The following RYR1 variants were observed in gnomAD, a reference collection of about 807,000 sequenced individuals.
RYR1 encodes the protein ryanodine receptor 1, also known as central core disease of muscle.
Under a neutral mutation model 583.5 loss-of-function variants are expected in RYR1, and 342 were observed. That is an observed-to-expected ratio of 0.59 (90% confidence interval 0.54 to 0.64). The LOEUF (loss-of-function observed/expected upper bound fraction) is 0.64, where lower values mean the gene tolerates loss of function less well. Ranked by LOEUF, RYR1 falls within the 30% of genes least tolerant of loss-of-function variation. The pLI is 0.00. For synonymous variants in RYR1, 2,791 were observed against 2,822.5 expected (o/e 0.99, Z 0.35); for missense variants, 6,032 against 6,917.2 (o/e 0.87, Z 4.54).
chr19:38,502,647 C>A lies in RYR1; in HGVS notation c.7755C>A (p.Thr2585=). 1 of 1,612,590 alleles carries A rather than the reference C, an allele frequency of 6.2e-7. No individual in the cohort carries two copies. The highest frequency in any genetic ancestry group is 8.5e-7 in the Non-Finnish European group (1 of 1,179,830). The change falls in exon 48 of 106, where the codon ACC becomes ACA. Residue 2585 remains threonine (T), a synonymous_variant. Coordinates refer to ENST00000359596, the MANE Select transcript of RYR1 (RefSeq NM_000540.3). ...TCATGGTGGACTCTATGCTGCATAC[C>A]GTGTACCGCCTGTCTCGGGGTCGTT... is the stretch of plus-strand genomic sequence containing the variant. ...RAIMVDSMLH[T]VYRLSRGRSL... is the part of the protein sequence containing the mutation.
chr19:38,472,420 C>A (rs1968471323), intron 27 of RYR1, among the ~76,000 whole-genome samples: 1 of 152,004 alleles, frequency 6.6e-6, no homozygotes, highest in Admixed American at 6.6e-5. Flanking sequence ...GGAATTGTAA[C>A]TGAACACAGG....
At chr19:38,516,290 T>C in intron 65 of RYR1, 73 bp downstream of exon 65, 2 of 1,513,068 alleles carry the variant, frequency 1.3e-6, no homozygotes, top group Non-Finnish European at 1.8e-6. Context: ...GAGACCCTAA[T>C]TTGGGGGTAG....
rs78086435 is a variant in RYR1 at position 38,468,423 on chromosome 19, C to T, written c.3382-543C>T. Among the ~76,000 whole-genome samples the T allele has an allele frequency of 2.4e-3, 359 of 152,352 alleles. 10 individuals carry two copies. In the East Asian group the frequency reaches 0.039, roughly 17 times the overall value. ...CCATTTATACAACCATCCTTCCCTT[C>T]TTCCCTCTATCTGTCATCCATTTAT... is the stretch of plus-strand genomic sequence containing the variant. On this transcript the variant is annotated intron_variant, in intron 25 of 105. Transcript: ENST00000359596.
Position 38,457,592 on chromosome 19 carries a change from GCTT to G in RYR1, c.1890_1892del (p.Leu632del). The G allele has an allele frequency of 6.2e-7, 1 of 1,614,116 alleles. No homozygotes were observed. Among genetic ancestry groups the G allele is most frequent in the East Asian group, 2.2e-5 (1 of 44,884 alleles). On this transcript the variant is annotated inframe_deletion, in exon 17 of 106. Coordinates refer to ENST00000359596, the MANE Select transcript of RYR1 (RefSeq NM_000540.3). ...CTGAGAACTTGCTGCCTGGCCGTGA[GCTT>G]CTGCTGCAGACAAACCTCATCAACT... is the stretch of plus-strand genomic sequence containing the variant.
chr19:38,577,178 G>A (rs1250320628), intron 97 of RYR1, among the ~76,000 whole-genome samples: 2 of 151,982 alleles, frequency 1.3e-5, no homozygotes, highest in Non-Finnish European at 2.9e-5. Context: ...GAGCCACCGC[G>A]CCCAGCCGAT....
chr19:38,504,174 G>C, intron 49 of RYR1, 46 bp from the exon 50 acceptor site: 1 of 1,578,620 alleles, frequency 6.3e-7, no homozygotes, highest in Non-Finnish European at 8.6e-7. Flanking sequence ...CCTGCCATTC[G>C]CTGGTGCCCC....
intron 89 of RYR1, among the ~76,000 whole-genome samples, chr19:38,555,254 G>A (rs761676319): frequency 6.6e-6 from 1 of 151,950 alleles, no homozygotes; most frequent in Non-Finnish European, 1.5e-5. Flanking sequence ...TGTTTGAGAA[G>A]AGCCTGGGCA....
At chr19:38,546,645 C>A (rs1972436705) in intron 88 of RYR1, 119 bp downstream of exon 88, 1 of 825,676 alleles carries the variant, frequency 1.2e-6, no homozygotes, top group African/African-American at 1.7e-5. Flanking sequence ...TGTCAGGATC[C>A]ATGGGTTGAT....
In RYR1 at chr19:38,523,059, G is replaced by C. The variant is rs553113819; in HGVS notation, c.10291G>C (p.Ala3431Pro). Residue 3431 changes from alanine to proline, a missense_variant, in exon 68 of 106, where the codon GCG (alanine) becomes CCG (proline). Transcript: ENST00000359596. ...AQWLTEPNPS[A>P]EELFRMVGEI... ...GTGGCTGACGGAGCCGAATCCCAGC[G>C]CGGAGGAGCTGTTCAGGATGGTGGG... 1 of 1,609,808 alleles carries C rather than the reference G, an allele frequency of 6.2e-7. No individual in the cohort carries two copies. Among genetic ancestry groups the C allele is most frequent in the South Asian group, 1.1e-5 (1 of 90,796 alleles).
chr19:38,539,240 T>A (rs1972102522), intron 84 of RYR1, among the ~76,000 whole-genome samples: 1 of 109,592 alleles, frequency 9.1e-6, no homozygotes, highest in Non-Finnish European at 1.9e-5. Context: ...GATTTTTTCT[T>A]TTTTTTTTTT....
rs1221352993 is a variant in RYR1, at chr19:38,499,018, C to T, written c.6892-90C>T. ...TCAGAGCTGAACCGGACTGAGGAGCCGCAGGGCAGGGCAGGGCAGGGCAGA... is the reference window on the plus strand; with the variant it reads ...TCAGAGCTGAACCGGACTGAGGAGCTGCAGGGCAGGGCAGGGCAGGGCAGA... On this transcript the variant is annotated intron_variant, in intron 42 of 105. Coordinates refer to ENST00000359596, the MANE Select transcript of RYR1 (RefSeq NM_000540.3). The surrounding 1 kb of genome is among the most constrained non-coding windows in gnomAD (Gnocchi z 7.3). 77 of 1,549,306 alleles carry T rather than the reference C, an allele frequency of 5.0e-5. No homozygotes were observed. The highest frequency in any genetic ancestry group is 1.4e-4 in the East Asian group (6 of 43,712).
Position 38,577,032 on chromosome 19 carries a change from C to T in RYR1, c.14173-886C>T, listed in dbSNP as rs1409169374. Among the ~76,000 whole-genome samples, 7 of 152,066 alleles carry T rather than the reference C, an allele frequency of 4.6e-5. No homozygotes were observed. The East Asian group carries it at 1.4e-3, about 30-fold the overall frequency. On this transcript the variant is annotated intron_variant, in intron 97 of 105. Coordinates refer to ENST00000359596, the MANE Select transcript of RYR1 (RefSeq NM_000540.3). ...TCCCGAGTAGCTGGGATTACAGGCA[C>T]CCACCACCACGTCTGGCTAATTTTT... is the stretch of plus-strand genomic sequence containing the variant.
rs193922884 is a variant in RYR1, at chr19:38,580,503, C to T, written c.14645C>T (p.Thr4882Met). The change falls in exon 101 of 106, where the codon ACG becomes ATG. Residue 4882 changes from threonine (T) to methionine (M), a missense_variant and splice_region_variant. Thr to Met is a moderately conservative substitution (Grantham distance 81). Around this residue, in one of 11 missense-constraint regions of RYR1, gnomAD observed 189 missense variants for 350.3 expected, o/e 0.54. Coordinates refer to ENST00000359596, the MANE Select transcript of RYR1 (RefSeq NM_000540.3). ...GACATGAAGTGTGATGACATGATGA[C>T]GGTGAGCCCCTCCCCTAGCACTCTG... ...EPDMKCDDMM[T>M]CYLFHMYVGV... 1.1e-5 allele frequency: 17 copies of T among 1,613,896 alleles called. No individual in the cohort carries two copies. Among genetic ancestry groups the T allele is most frequent in the Admixed American group, 6.7e-5 (4 of 59,958 alleles).
chr19:38,507,824 C>G lies in RYR1; in HGVS notation c.8929C>G (p.Leu2977Val). The G allele has an allele frequency of 6.2e-7, 1 of 1,606,084 alleles. No homozygotes were observed. The change falls in exon 58 of 106, where the codon CTG (leucine) becomes GTG (valine). Residue 2977 changes from leucine to valine, a missense_variant. This residue lies in a region of RYR1 where 1,493 missense variants were observed against 1,715.5 expected (regional missense o/e 0.87). Coordinates refer to ENST00000359596, the MANE Select transcript of RYR1 (RefSeq NM_000540.3). ...MDISQEFIAH[L>V]EAVVSSGRVE... Reference sequence around the variant, plus strand: ...CATTTCTCAGGAGTTCATTGCCCACCTGGGTACGGAGAAATACCCCCCGCT... The same window carrying G: ...CATTTCTCAGGAGTTCATTGCCCACGTGGGTACGGAGAAATACCCCCCGCT...
At position 38,565,804 on chromosome 19, in the gene RYR1, A is replaced by C. The variant is rs910959848; in HGVS notation, c.13437+33A>C. On this transcript the variant is annotated intron_variant, in intron 91 of 105. Coordinates refer to ENST00000359596, the MANE Select transcript of RYR1 (RefSeq NM_000540.3). This position sits in a 1 kb window ranked among gnomAD's most constrained non-coding sequence, Gnocchi z 4.7. ...AGCAGGCGGGGTTTTGGGGTTTTGGAAAGATGGGGGATTGGAGGGAGGAAG... is the reference window on the plus strand; with the variant it reads ...AGCAGGCGGGGTTTTGGGGTTTTGGCAAGATGGGGGATTGGAGGGAGGAAG... The C allele has an allele frequency of 1.9e-5, 26 of 1,372,568 alleles. No homozygotes were observed. The highest frequency in any genetic ancestry group is 2.3e-5 in the Non-Finnish European group (25 of 1,071,322). 85.0% of individuals were successfully genotyped at this position (1,372,568 alleles called of 1,614,324 possible). A position where few individuals can be genotyped will look rare whatever the true frequency, so the allele number is the denominator to read the frequency against.
Position 38,565,645 on chromosome 19 carries a change from G to T in RYR1, c.13311G>T (p.Ala4437=), listed in dbSNP as rs1399733263. 5.7e-6 allele frequency: 8 copies of T among 1,392,202 alleles called. No homozygotes were observed. Among genetic ancestry groups the T allele is most frequent in the Middle Eastern group, 2.6e-4 (1 of 3,844 alleles). 86.2% of individuals were successfully genotyped at this position (1,392,202 alleles called of 1,614,324 possible). A position where few individuals can be genotyped will look rare whatever the true frequency, so the allele number is the denominator to read the frequency against. ...HEAGPGGADG[A]VAVTDGGPFR... is the part of the protein sequence containing the mutation. ...CCGGGCCGGGCGGTGCCGACGGGGC[G>T]GTGGCCGTGACCGATGGGGGCCCCT... Residue 4437 remains alanine, a synonymous_variant, in exon 91 of 106, where the codon GCG becomes GCT. Transcript: ENST00000359596. This position sits in a 1 kb window ranked among gnomAD's most constrained non-coding sequence, Gnocchi z 4.7.
At chr19:38,537,789 C>A (rs754805761) in intron 83 of RYR1, 91 bp from the exon 84 acceptor site, 13 of 1,148,464 alleles carry the variant, frequency 1.1e-5, no homozygotes, top group Admixed American at 8.4e-5. Context: ...TTTGTGCATG[C>A]GTGTGCAGTG....
Position 38,586,138 on chromosome 19 carries a change from A to G in RYR1, c.14916A>G (p.Thr4972=). ...TCGGCAGTGACTACTTTGATACGACACCGCATGGCTTCGAGACTCACACGC... is the reference window on the plus strand; with the variant it reads ...TCGGCAGTGACTACTTTGATACGACGCCGCATGGCTTCGAGACTCACACGC... ...CGIGSDYFDT[T]PHGFETHTLE... is the part of the protein sequence containing the mutation. The change falls in exon 104 of 106, where the codon ACA becomes ACG. Residue 4972 remains threonine, a synonymous_variant. Coordinates refer to ENST00000359596, the MANE Select transcript of RYR1 (RefSeq NM_000540.3). 6.2e-7 allele frequency: 1 copy of G among 1,614,044 alleles called. No individual in the cohort carries two copies. The highest frequency in any genetic ancestry group is 8.5e-7 in the Non-Finnish European group (1 of 1,180,016).
intron 1 of RYR1, among the ~76,000 whole-genome samples, chr19:38,439,529 T>C (rs1355323313): frequency 1.3e-5 from 2 of 152,078 alleles, no homozygotes; most frequent in Non-Finnish European, 2.9e-5. Context: ...GTTTTTGAGA[T>C]GGAGTCTCAC....
Sources: allele counts gnomAD v4.1 joint callset (sites outside exome capture counted in the v4.1 genomes callset), GRCh38; gene constraint gnomAD v4.1.1; regional missense constraint gnomAD v4.1.1; non-coding constraint Gnocchi (gnomAD v3.1); transcripts MANE v1.5; gene names NCBI Gene and HGNC (gene_info 2026-07-23, HGNC 2026-07-21).